Variants in RPH3A observed in about 807,000 individuals in gnomAD.
The protein encoded by RPH3A is rabphilin 3A, also known as rabphilin-3A.
A neutral mutation model predicts 102.2 loss-of-function variants in RPH3A; 48 were observed. The observed-to-expected ratio is 0.47, with a 90% CI of 0.37 to 0.60. The LOEUF (loss-of-function observed/expected upper bound fraction) is 0.60, where lower values mean the gene tolerates loss of function less well. RPH3A is among the 20% of genes least tolerant of loss of function. The probability of loss-of-function intolerance (pLI) is 0.00; values close to 1 mark genes in which losing one functional copy is unlikely to be tolerated. For missense variants in RPH3A, 781 were observed against 910.1 expected, an observed-to-expected ratio of 0.86 and a Z score of 1.83; for synonymous variants, 310 against 324.3, an observed-to-expected ratio of 0.96 and a Z score of 0.47.
chr12:112,585,149 TGTA>T (rs1333176371), intron 1 of RPH3A, among the ~76,000 whole-genome samples: 2 of 152,190 alleles, frequency 1.3e-5, no homozygotes, highest in African/African-American at 4.8e-5. Context: ...ACTCAGCCAG[TGTA>T]GTCCTTCCAC....
chr12:112,710,503 A>G (rs1488415063), intron 1 of RPH3A, among the ~76,000 whole-genome samples: 1 of 152,202 alleles, frequency 6.6e-6, no homozygotes, highest in Non-Finnish European at 1.5e-5. Flanking sequence ...ATCCCAGGCC[A>G]CAGCACTCTG....
chr12:112,758,548 T>C (rs1158611534), intron 1 of RPH3A, among the ~76,000 whole-genome samples: 2 of 152,356 alleles, frequency 1.3e-5, no homozygotes, highest in South Asian at 2.1e-4. Context: ...GTGAGAACTT[T>C]ATGCTAAATG....
At chr12:112,695,624 C>T (rs2040344865) in intron 1 of RPH3A, among the ~76,000 whole-genome samples, 1 of 152,208 alleles carries the variant, frequency 6.6e-6, no homozygotes, top group Admixed American at 6.5e-5. Context: ...TTTATTTCCA[C>T]ATAATCTTGG....
chr12:112,606,958 T>A (rs1203933961), intron 1 of RPH3A, among the ~76,000 whole-genome samples: 1 of 152,160 alleles, frequency 6.6e-6, no homozygotes, highest in Non-Finnish European at 1.5e-5. Context: ...GCAACTTCAC[T>A]TCTTTGGATC....
At chr12:112,690,644 C>G (rs2040299445) in intron 1 of RPH3A, among the ~76,000 whole-genome samples, 1 of 152,118 alleles carries the variant, frequency 6.6e-6, no homozygotes, top group Non-Finnish European at 1.5e-5. Context: ...GCTTCCCCAC[C>G]CACTGGTAAA....
At chr12:112,778,675 C>G (rs1371050378) in intron 1 of RPH3A, among the ~76,000 whole-genome samples, 2 of 152,184 alleles carry the variant, frequency 1.3e-5, no homozygotes, top group Non-Finnish European at 2.9e-5. Context: ...TGCTCTCTCT[C>G]TTTTGCATAG....
intron 1 of RPH3A, among the ~76,000 whole-genome samples, chr12:112,725,568 G>A (rs1300110619): frequency 1.3e-5 from 2 of 152,096 alleles, no homozygotes; most frequent in East Asian, 3.9e-4. Flanking sequence ...CCGCTTGGGG[G>A]TGCTTCAGGT....
chr12:112,887,398 T>C (rs1199677796), intron 16 of RPH3A, among the ~76,000 whole-genome samples: 1 of 152,210 alleles, frequency 6.6e-6, no homozygotes, highest in Admixed American at 6.5e-5. Flanking sequence ...TATTATATGA[T>C]TCCATTTATA....
intron 1 of RPH3A, among the ~76,000 whole-genome samples, chr12:112,693,957 G>T (rs747928725): frequency 4.6e-5 from 7 of 152,196 alleles, no homozygotes; most frequent in Non-Finnish European, 1.0e-4. Flanking sequence ...AATATTTGCT[G>T]ATTGAAGGCC....
At chr12:112,832,281 G>T (rs2041983023) in intron 3 of RPH3A, among the ~76,000 whole-genome samples, 1 of 152,040 alleles carries the variant, frequency 6.6e-6, no homozygotes, top group Non-Finnish European at 1.5e-5. Flanking sequence ...TTGCATTTTA[G>T]AATTTAGTAG....
intron 2 of RPH3A, among the ~76,000 whole-genome samples, chr12:112,824,741 G>A (rs924731141): frequency 6.6e-6 from 1 of 152,188 alleles, no homozygotes; most frequent in Non-Finnish European, 1.5e-5. Flanking sequence ...GAGGGATGGA[G>A]CTGGGTGGTT....
chr12:112,852,880 C>T (rs545900492), intron 5 of RPH3A, among the ~76,000 whole-genome samples: 1 of 152,324 alleles, frequency 6.6e-6, no homozygotes, highest in South Asian at 2.1e-4. Flanking sequence ...TGTCCAGAGC[C>T]TCTCAAAGGC....
At chr12:112,867,016 C>T (rs1217949336) in intron 7 of RPH3A, among the ~76,000 whole-genome samples, 176 bp downstream of exon 7, 1 of 151,464 alleles carries the variant, frequency 6.6e-6, no homozygotes. Context: ...TTTTTTTCTT[C>T]CTTCCCATCC....
intron 4 of RPH3A, among the ~76,000 whole-genome samples, chr12:112,841,306 G>A (rs765819202): frequency 3.3e-5 from 5 of 152,084 alleles, no homozygotes; most frequent in Non-Finnish European, 5.9e-5. Context: ...AAGATGAGGG[G>A]GGCAGGGGGT....
intron 5 of RPH3A, 104 bp downstream of exon 5, chr12:112,847,946 T>A (rs776818893): frequency 7.4e-5 from 98 of 1,327,944 alleles, no homozygotes; most frequent in Non-Finnish European, 9.9e-5. Context: ...GGGCTGCCTC[T>A]GGGCTTTGCC....
intron 1 of RPH3A, among the ~76,000 whole-genome samples, chr12:112,737,356 T>C (rs1415337195): frequency 6.6e-6 from 1 of 152,064 alleles, no homozygotes; most frequent in Non-Finnish European, 1.5e-5. Context: ...ATGGGGATAA[T>C]AATATGTACC....
rs115681713 is a variant in RPH3A, at chr12:112,754,929, G to T, written c.-139-37214G>T. 6.6e-3 allele frequency among the ~76,000 whole-genome samples: 1,002 copies of T among 152,298 alleles called. 14 individuals are homozygous for T. The highest frequency in any genetic ancestry group is 0.023 in the African/African-American group (967 of 41,560). ...ATCTCTGGGAGTGGAGCTGACATCA[G>T]TATTTTTTAAAAGCTTCCCAGGTGG... On this transcript the variant is annotated intron_variant, in intron 1 of 21. Coordinates refer to the RPH3A transcript ENST00000543106.
chr12:112,674,775 G>A (rs1246389844), intron 1 of RPH3A, among the ~76,000 whole-genome samples: 1 of 152,116 alleles, frequency 6.6e-6, no homozygotes, highest in Non-Finnish European at 1.5e-5. Context: ...TCAGAAGCCC[G>A]TGCAACAGAG....
At chr12:112,881,534 G>C (rs1276654506) in intron 14 of RPH3A, among the ~76,000 whole-genome samples, 1 of 152,246 alleles carries the variant, frequency 6.6e-6, no homozygotes, top group Non-Finnish European at 1.5e-5. Flanking sequence ...GCTCAGATAG[G>C]TTAAGAAACT....
Sources: allele counts gnomAD v4.1 joint callset (sites outside exome capture counted in the v4.1 genomes callset), GRCh38; gene constraint gnomAD v4.1.1; transcripts MANE v1.5; gene names NCBI Gene and HGNC (gene_info 2026-07-23, HGNC 2026-07-21).